The following CNOT9 variants were observed in gnomAD, a reference collection of about 807,000 sequenced individuals.
CNOT9 encodes CCR4-NOT transcription complex subunit 9.
In CNOT9, 8 loss-of-function variants were observed where a neutral mutation model predicts 37.4. That is an observed-to-expected ratio of 0.21 (90% CI 0.13 to 0.39). CNOT9 has a LOEUF of 0.39. CNOT9 is among the 10% of genes least tolerant of loss of function. The pLI, the probability that CNOT9 is intolerant of heterozygous loss-of-function variation, is 1.00. For synonymous variants in CNOT9, 120 were observed against 137.6 expected (o/e 0.87, Z 0.90); for missense variants, 154 against 365.3 (o/e 0.42, Z 4.71).
intron 1 of CNOT9, 125 bp downstream of exon 1, chr2:218,569,103 C>T: frequency 1.0e-6 from 1 of 1,001,230 alleles, no homozygotes; most frequent in South Asian, 1.5e-5. Flanking sequence ...TCTCCAAGGC[C>T]CCGGTTCCCC....
At chr2:218,572,856 T>C in intron 1 of CNOT9, 1 of 241,596 alleles carries the variant, frequency 4.1e-6, no homozygotes, top group Non-Finnish European at 6.7e-6. Flanking sequence ...ATCTTTTTAT[T>C]GAAGCTGTCA....
intron 1 of CNOT9, among the ~76,000 whole-genome samples, chr2:218,569,900 G>A (rs542832163): frequency 6.6e-6 from 1 of 152,280 alleles, no homozygotes; most frequent in Admixed American, 6.5e-5. Context: ...CGGTCTCAGA[G>A]TGGCCTTCCC....
At chr2:218,583,792 A>T (rs189776009) in intron 3 of CNOT9, among the ~76,000 whole-genome samples, 4 of 152,316 alleles carry the variant, frequency 2.6e-5, no homozygotes, top group Admixed American at 2.0e-4. Flanking sequence ...TAACAAAAAC[A>T]CAAGAGTACT....
chr2:218,581,358 T>TA (rs1480453930), intron 2 of CNOT9, among the ~76,000 whole-genome samples: 1 of 150,596 alleles, frequency 6.6e-6, no homozygotes, highest in African/African-American at 2.4e-5. Flanking sequence ...TTTTAGTAGA[T>TA]ACGGAGTTTC....
intron 3 of CNOT9, among the ~76,000 whole-genome samples, chr2:218,584,044 T>C (rs572200314): frequency 6.6e-6 from 1 of 152,372 alleles, no homozygotes; most frequent in Non-Finnish European, 1.5e-5. Flanking sequence ...CACCTGTGAA[T>C]ACTATTATTC....
intron 3 of CNOT9, among the ~76,000 whole-genome samples, chr2:218,584,028 C>T (rs934606252): frequency 6.6e-5 from 10 of 152,152 alleles, no homozygotes; most frequent in Admixed American, 2.6e-4. Context: ...AAGGTTTATT[C>T]GACTGCACCT....
intron 4 of CNOT9, among the ~76,000 whole-genome samples, chr2:218,587,008 T>C (rs1694616443): frequency 6.6e-6 from 1 of 152,152 alleles, no homozygotes; most frequent in Non-Finnish European, 1.5e-5. Context: ...AATATAGTAG[T>C]CAAGGCAGTG....
At position 218,596,916 on chromosome 2, in the gene CNOT9, G is replaced by A. The variant is rs1694941764; in HGVS notation, c.*2640G>A. The A allele has an allele frequency of 6.6e-6, 1 of 152,194 alleles. No homozygotes were observed. Among genetic ancestry groups the A allele is most frequent in the Non-Finnish European group, 1.5e-5 (1 of 68,040 alleles). The allele number at this position is 152,194 out of a possible 1,614,324, so 9.4% of individuals were successfully genotyped here. On this transcript the variant is annotated 3_prime_UTR_variant, in exon 8 of 8. Transcript: ENST00000273064. The stretch of plus-strand genomic sequence containing the variant: ...GTTCTTTTTTCAAGAGCCTTAGAGG[G>A]CCTGTGGCCTGTTTCACTGGTGGAA...
At position 218,595,947 on chromosome 2, in the gene CNOT9, G is replaced by A. The variant is rs1694916976; in HGVS notation, c.*1671G>A. The A allele has an allele frequency of 6.6e-6, 1 of 152,218 alleles. No individual in the cohort carries two copies. Among genetic ancestry groups the A allele is most frequent in the Non-Finnish European group, 1.5e-5 (1 of 68,078 alleles). 9.4% of individuals were successfully genotyped at this position (152,218 alleles called of 1,614,324 possible). A position where few individuals can be genotyped will look rare whatever the true frequency, so the allele number is the denominator to read the frequency against. The stretch of plus-strand genomic sequence containing the variant: ...CTGCCTTCCAAGATGAAGAGGAGAA[G>A]CAGGCCAACCCTCAATAATTGCAAG... On this transcript the variant is annotated 3_prime_UTR_variant, in exon 8 of 8. Coordinates refer to ENST00000273064, the MANE Select transcript of CNOT9 (RefSeq NM_005444.3).
intron 4 of CNOT9, 96 bp from the exon 5 acceptor site, chr2:218,587,490 A>G (rs929169898): frequency 3.8e-6 from 5 of 1,331,038 alleles, no homozygotes; most frequent in African/African-American, 3.0e-5. Flanking sequence ...GTGTTCTGTT[A>G]TTTAAGTTCA....
chr2:218,581,384 C>A (rs1694375014), intron 2 of CNOT9, among the ~76,000 whole-genome samples: 1 of 150,906 alleles, frequency 6.6e-6, no homozygotes, highest in South Asian at 2.1e-4. Context: ...GTTGGTCAGG[C>A]TGATCTTGAA....
intron 1 of CNOT9, among the ~76,000 whole-genome samples, chr2:218,576,075 AAAG>A (rs1694156693): frequency 6.6e-6 from 1 of 152,180 alleles, no homozygotes; most frequent in Admixed American, 6.5e-5. Flanking sequence ...GTTTTTAAAA[AAAG>A]GTGGTACAAC....
At chr2:218,581,661 TC>T (rs1415073592) in intron 2 of CNOT9, among the ~76,000 whole-genome samples, 1 of 152,196 alleles carries the variant, frequency 6.6e-6, no homozygotes, top group Non-Finnish European at 1.5e-5. Context: ...TGCCCCAAAT[TC>T]CTAACAATTA....
At chr2:218,575,003 T>G (rs959600688) in intron 1 of CNOT9, among the ~76,000 whole-genome samples, 7 of 152,200 alleles carry the variant, frequency 4.6e-5, no homozygotes, top group Non-Finnish European at 1.0e-4. Flanking sequence ...AACTAAGAAC[T>G]AAATAATTTC....
At chr2:218,589,148 A>G (rs546566584) in intron 5 of CNOT9, 1 of 151,914 alleles carries the variant, frequency 6.6e-6, no homozygotes, top group Non-Finnish European at 1.5e-5. Context: ...AGTCTAACAA[A>G]TATTTTATTC....
intron 5 of CNOT9, among the ~76,000 whole-genome samples, chr2:218,589,023 T>C (rs1195581076): frequency 1.3e-5 from 2 of 152,162 alleles, no homozygotes; most frequent in Admixed American, 1.3e-4. Flanking sequence ...CTTTCAATTT[T>C]TAAATTTCAT....
At chr2:218,570,237 A>C (rs940131098) in intron 1 of CNOT9, among the ~76,000 whole-genome samples, 1 of 152,184 alleles carries the variant, frequency 6.6e-6, no homozygotes, top group Non-Finnish European at 1.5e-5. Flanking sequence ...TGTTTAACCA[A>C]AGGGAAATGA....
intron 1 of CNOT9, among the ~76,000 whole-genome samples, chr2:218,575,387 C>CTTTTTTTTTTTTTTTTTTTTTTTTTTTT: frequency 7.9e-6 from 1 of 127,236 alleles, no homozygotes; most frequent in Non-Finnish European, 1.7e-5. Context: ...TTTCTTTTTT[C>CTTTTTTTTTTTTTTTTTTTTTTTTTTTT]TTTTTTTTTT....
At chr2:218,593,011 G>T in intron 7 of CNOT9, 1 of 353,704 alleles carries the variant, frequency 2.8e-6, no homozygotes. Context: ...TACTCTACGT[G>T]GTCAGAGAGA....
Sources: allele counts gnomAD v4.1 joint callset (sites outside exome capture counted in the v4.1 genomes callset), GRCh38; gene constraint gnomAD v4.1.1; transcripts MANE v1.5; gene names NCBI Gene and HGNC (gene_info 2026-07-23, HGNC 2026-07-21).